The following ACADL variants were observed in gnomAD, a reference collection of about 807,000 sequenced individuals.
The protein encoded by ACADL is acyl-CoA dehydrogenase long chain, also known as long-chain specific acyl-CoA dehydrogenase, mitochondrial.
A neutral mutation model predicts 56.9 loss-of-function variants in ACADL; 60 were observed. That is an observed-to-expected ratio of 1.05 (90% CI 0.86 to 1.31). ACADL has a LOEUF of 1.31. ACADL is among the 50% of genes most tolerant of loss of function. ACADL has a pLI of 0.00. For missense variants in ACADL, 484 were observed against 525.5 expected, an observed-to-expected ratio of 0.92 and a Z score of 0.77; for synonymous variants, 158 against 179.7, an observed-to-expected ratio of 0.88 and a Z score of 0.97.
intron 1 of ACADL, among the ~76,000 whole-genome samples, chr2:210,221,086 T>C (rs1689169617): frequency 6.6e-6 from 1 of 152,174 alleles, no homozygotes; most frequent in African/African-American, 2.4e-5. Flanking sequence ...AGGTCTGACT[T>C]GAGGTGAAAT....
In ACADL at chr2:210,219,216, C is replaced by T. The variant is rs1164526067; in HGVS notation, c.234-1114G>A. 2.6e-5 allele frequency among the ~76,000 whole-genome samples: 4 copies of T among 152,238 alleles called. No individual in the cohort carries two copies. In the East Asian group the frequency reaches 7.7e-4, roughly 29 times the overall value. On this transcript the variant is annotated intron_variant, in intron 2 of 10. Coordinates refer to ENST00000233710, the MANE Select transcript of ACADL (RefSeq NM_001608.4). ...TTATTTTATTTCAAAGCCTTCTTAA[C>T]ATTTTTTCTGGAATAAAATTTAAAA... is the stretch of plus-strand genomic sequence containing the variant.
In ACADL at chr2:210,218,285, C is replaced by CTTTTTTTTT. The variant is rs35116912; in HGVS notation, c.234-192_234-184dup. 6.3e-5 allele frequency among the ~76,000 whole-genome samples: 6 copies of CTTTTTTTTT among 95,370 alleles called. 1 individual carries two copies. The highest frequency in any genetic ancestry group is 6.4e-4 in the East Asian group (2 of 3,122). The allele number at this position is 95,370 out of a possible 152,430, so 62.6% of individuals were successfully genotyped here. A position where few individuals can be genotyped will look rare whatever the true frequency, so the allele number is the denominator to read the frequency against. ...TCACTTCTGTTCCTCCTTTTTTCTG[C>CTTTTTTTTT]TTTTTTTTTTTTTTTTTTTTGAGAC... On this transcript the variant is annotated intron_variant, in intron 2 of 10. Coordinates refer to ENST00000233710, the MANE Select transcript of ACADL (RefSeq NM_001608.4).
chr2:210,216,613 G>A, intron 3 of ACADL, 102 bp from the exon 4 acceptor site: 2 of 1,094,808 alleles, frequency 1.8e-6, no homozygotes, highest in South Asian at 2.7e-5. Context: ...TTTGGTAGTG[G>A]CCTATCTCAT....
intron 4 of ACADL, among the ~76,000 whole-genome samples, chr2:210,214,529 G>GAAAGAAAT (rs1559640017): frequency 1.4e-4 from 19 of 138,306 alleles, no homozygotes; most frequent in African/African-American, 5.1e-4. Flanking sequence ...AAGAAAGAAA[G>GAAAGAAAT]AAATCTGCTT....
chr2:210,214,560 C>G (rs1689051928), intron 4 of ACADL, among the ~76,000 whole-genome samples: 1 of 144,506 alleles, frequency 6.9e-6, no homozygotes, highest in African/African-American at 2.5e-5. Context: ...TCTTCATTCT[C>G]AGGTTTCCTT....
intron 1 of ACADL, among the ~76,000 whole-genome samples, chr2:210,221,210 C>T (rs1232481081): frequency 6.6e-6 from 1 of 152,050 alleles, no homozygotes; most frequent in Non-Finnish European, 1.5e-5. Context: ...GCAAAGCCTC[C>T]AAAATTAGTA....
intron 8 of ACADL, among the ~76,000 whole-genome samples, chr2:210,200,211 T>C (rs981293669): frequency 1.8e-4 from 28 of 152,050 alleles, no homozygotes; most frequent in Admixed American, 1.8e-3. Flanking sequence ...GTTTCTAGAG[T>C]TACACCCATC....
chr2:210,224,198 C>T (rs1184974997), intron 1 of ACADL: 1 of 150,558 alleles, frequency 6.6e-6, no homozygotes, highest in East Asian at 2.3e-4. Flanking sequence ...GCACTCCAGC[C>T]TGGGCGACAG....
At chr2:210,217,867 G>T (rs751309533) in intron 3 of ACADL, 98 bp downstream of exon 3, 85 of 1,481,708 alleles carry the variant, frequency 5.7e-5, no homozygotes, top group Non-Finnish European at 7.7e-5. Flanking sequence ...TCCAAGATTA[G>T]AAAACATTTG....
intron 4 of ACADL, among the ~76,000 whole-genome samples, chr2:210,214,467 A>AAAAGAAAGAAAGAAAGAAAG (rs60795055): frequency 0.3 from 36,152 of 122,054 alleles, 6,283 homozygotes; most frequent in Non-Finnish European, 0.34. Context: ...GACCTTCCAA[A>AAAAGAAAGAAAGAAAGAAAG]AAAGAAAGAA....
At chr2:210,220,499 ATCT>A (rs1280993753) in intron 2 of ACADL, 145 bp downstream of exon 2, 1 of 664,654 alleles carries the variant, frequency 1.5e-6, no homozygotes, top group African/African-American at 1.8e-5. Flanking sequence ...GAATCCTGGG[ATCT>A]TATAGTACTA....
intron 4 of ACADL, among the ~76,000 whole-genome samples, chr2:210,214,301 C>A (rs183447801): frequency 6.6e-6 from 1 of 152,122 alleles, no homozygotes; most frequent in Admixed American, 6.5e-5. Context: ...CTATTTCATG[C>A]CAATTTCATG....
intron 9 of ACADL, among the ~76,000 whole-genome samples, chr2:210,194,051 T>C (rs1433081068): frequency 6.6e-6 from 1 of 152,214 alleles, no homozygotes; most frequent in Non-Finnish European, 1.5e-5. Context: ...AAATATTTAC[T>C]GGGCTATAAC....
chr2:210,224,295 G>T, intron 1 of ACADL: 4 of 351,130 alleles, frequency 1.1e-5, no homozygotes, highest in Non-Finnish European at 1.6e-5. Context: ...AGTTAAGTAT[G>T]TATCCTAAAG....
intron 8 of ACADL, among the ~76,000 whole-genome samples, chr2:210,195,889 T>C (rs922204344): frequency 6.6e-6 from 1 of 152,140 alleles, no homozygotes; most frequent in African/African-American, 2.4e-5. Context: ...TAGAAAGCAA[T>C]AGAATAAAAT....
chr2:210,191,896 G>C (rs1041323156), intron 10 of ACADL, among the ~76,000 whole-genome samples: 1 of 152,032 alleles, frequency 6.6e-6, no homozygotes, highest in African/African-American at 2.4e-5. Context: ...AGACTTCTGA[G>C]GCAAAAGACT....
chr2:210,196,507 T>G (rs1688713178), intron 8 of ACADL, among the ~76,000 whole-genome samples: 1 of 152,202 alleles, frequency 6.6e-6, no homozygotes, highest in South Asian at 2.1e-4. Flanking sequence ...CTGACTGTCC[T>G]TGCTTCAATC....
At chr2:210,220,865 G>A (rs1426562956) in intron 1 of ACADL, 63 bp from the exon 2 acceptor site, 1 of 1,266,774 alleles carries the variant, frequency 7.9e-7, no homozygotes, top group Non-Finnish European at 1.1e-6. Context: ...ATCCAAATTA[G>A]TGCCACTGAA....
intron 9 of ACADL, among the ~76,000 whole-genome samples, chr2:210,194,675 C>T (rs1191169972): frequency 2.0e-5 from 3 of 152,100 alleles, no homozygotes; most frequent in Admixed American, 6.6e-5. Context: ...TGAATTTTTT[C>T]TTAAAATTGG....
Sources: allele counts gnomAD v4.1 joint callset (sites outside exome capture counted in the v4.1 genomes callset), GRCh38; gene constraint gnomAD v4.1.1; transcripts MANE v1.5; gene names NCBI Gene and HGNC (gene_info 2026-07-23, HGNC 2026-07-21).